SMC2: variants seen among roughly 807,000 people sequenced by gnomAD.
The protein encoded by SMC2 is structural maintenance of chromosomes protein 2.
Under a neutral mutation model 142.6 loss-of-function variants are expected in SMC2, and 41 were observed. That is an observed-to-expected ratio of 0.29 (90% CI 0.22 to 0.37). The LOEUF (loss-of-function observed/expected upper bound fraction) is 0.37, where lower values mean the gene tolerates loss of function less well. SMC2 is among the 10% of genes least tolerant of loss of function. The probability of loss-of-function intolerance (pLI) is 1.00; values close to 1 mark genes in which losing one functional copy is unlikely to be tolerated. For missense variants in SMC2, 1,265 were observed against 1,373.7 expected (o/e 0.92, Z 1.25); for synonymous variants, 463 against 457.5 (o/e 1.01, Z -0.15).
chr9:104,140,208 T>A lies in SMC2; in HGVS notation c.*893T>A, dbSNP rs889388262. The A allele has an allele frequency of 6.6e-6, 1 of 152,112 alleles. No individual in the cohort carries two copies. The highest frequency in any genetic ancestry group is 2.4e-5 in the African/African-American group (1 of 41,444). 9.4% of individuals were successfully genotyped at this position (152,112 alleles called of 1,614,324 possible). On this transcript the variant is annotated 3_prime_UTR_variant, in exon 25 of 25. Transcript: ENST00000374793. ...AATTTATTTTTCCCTGAGTCTGATA[T>A]ATATATGTATAAATATAAATAACTC...
Position 104,111,748 on chromosome 9 carries a change from A to C in SMC2, c.1188A>C (p.Ala396=). ...CCAGTAATGAAGATGGAGCAGAAGC[A>C]ACTCTTGCTGGTCAAATGATGGCCT... The part of the protein sequence containing the change: ...GLSSNEDGAE[A]TLAGQMMACK... The change falls in exon 10 of 25, where the codon GCA becomes GCC. Residue 396 remains alanine (A), a synonymous_variant. Transcript: ENST00000374793. 6.2e-7 allele frequency: 1 copy of C among 1,614,116 alleles called. No homozygotes were observed. Among genetic ancestry groups the C allele is most frequent in the South Asian group, 1.1e-5 (1 of 91,090 alleles).
intron 9 of SMC2, among the ~76,000 whole-genome samples, chr9:104,106,450 G>A (rs1444735070): frequency 2.6e-5 from 4 of 151,896 alleles, no homozygotes; most frequent in Non-Finnish European, 5.9e-5. Flanking sequence ...GTGCAGTGGC[G>A]CAATTTCGGC....
intron 21 of SMC2, among the ~76,000 whole-genome samples, chr9:104,131,021 G>T (rs1834904450): frequency 6.6e-6 from 1 of 152,118 alleles, no homozygotes; most frequent in Non-Finnish European, 1.5e-5. Context: ...TGGCTGTAAA[G>T]AAGAGGGACA....
Position 104,096,313 on chromosome 9 carries a change from A to T in SMC2, c.318+16A>T. 1 of 1,612,094 alleles carries T rather than the reference A, an allele frequency of 6.2e-7. No individual in the cohort carries two copies. On this transcript the variant is annotated intron_variant, in intron 3 of 24. Transcript: ENST00000374793. ...AACAAGGCAGGTGAGTGGCAATTAA[A>T]CCTTTGGGTATCTTAAGACCTTTTA...
rs549338117 is a variant in SMC2, at chr9:104,105,255, A to G, written c.1020+2682A>G. ...TGTACAGCTTTAGGCTGCTGGCCCT[A>G]TGGTGCATCTCATTTCTAGGAGTGA... On this transcript the variant is annotated intron_variant, in intron 9 of 24. Coordinates refer to ENST00000374793, the MANE Select transcript of SMC2 (RefSeq NM_006444.3). 3.3e-5 allele frequency among the ~76,000 whole-genome samples: 5 copies of G among 152,252 alleles called. No homozygotes were observed. In the East Asian group the frequency reaches 9.7e-4, roughly 29 times the overall value.
At chr9:104,097,218 T>C (rs1287200573) in intron 3 of SMC2, among the ~76,000 whole-genome samples, 12 of 144,230 alleles carry the variant, frequency 8.3e-5, no homozygotes, top group African/African-American at 3.0e-4. Context: ...TGCCTCAGCC[T>C]CCTGAGTAGC....
chr9:104,094,219 G>A (rs1161343878), upstream of SMC2: 1 of 395,934 alleles, frequency 2.5e-6, no homozygotes, highest in East Asian at 3.6e-5. Flanking sequence ...GAGTGTAGGG[G>A]AAAAATTGAA....
At chr9:104,103,352 GAGA>G (rs772609349) in intron 9 of SMC2, among the ~76,000 whole-genome samples, 1 of 152,158 alleles carries the variant, frequency 6.6e-6, no homozygotes, top group Non-Finnish European at 1.5e-5. Context: ...ATAACTTTTT[GAGA>G]AGTTTTCTGA....
chr9:104,095,623 T>C, intron 2 of SMC2, 71 bp downstream of exon 2: 1 of 1,204,206 alleles, frequency 8.3e-7, no homozygotes, highest in South Asian at 1.3e-5. Flanking sequence ...TTTGGAGACG[T>C]CCCGATATTC....
chr9:104,103,452 T>C (rs1380953894), intron 9 of SMC2, among the ~76,000 whole-genome samples: 4 of 152,192 alleles, frequency 2.6e-5, no homozygotes, highest in African/African-American at 9.6e-5. Flanking sequence ...AATTCTATAT[T>C]GACAGAAAAG....
Position 104,118,277 on chromosome 9 carries a change from T to C in SMC2, c.1898T>C (p.Met633Thr), listed in dbSNP as rs753123238. The C allele has an allele frequency of 1.2e-6, 2 of 1,613,758 alleles. No individual in the cohort carries two copies. The highest frequency in any genetic ancestry group is 1.7e-6 in the Non-Finnish European group (2 of 1,179,768). The change falls in exon 15 of 25, where the codon ATG becomes ACG. Residue 633 changes from methionine to threonine, a missense_variant. Physicochemically the swap from Met to Thr is moderately conservative, Grantham distance 81 (BLOSUM62 -1). This residue lies in a region of SMC2 where 898 missense variants were observed against 904.2 expected (regional missense o/e 0.99). Coordinates refer to ENST00000374793, the MANE Select transcript of SMC2 (RefSeq NM_006444.3). ...GGAACAACATTTGTTTGTGACAATA[T>C]GGATAATGCCAAAAAAGTGGCCTTT... ...VFGTTFVCDN[M>T]DNAKKVAFDK... is the part of the protein sequence containing the mutation.
At chr9:104,091,274 C>T (rs1412223875), upstream of SMC2, among the ~76,000 whole-genome samples, 1 of 152,174 alleles carries the variant, frequency 6.6e-6, no homozygotes, top group African/African-American at 2.4e-5. Context: ...TTCTAGACTA[C>T]AAACTTTTAT....
At chr9:104,110,245 A>G (rs950917427) in intron 9 of SMC2, among the ~76,000 whole-genome samples, 2 of 152,228 alleles carry the variant, frequency 1.3e-5, no homozygotes, top group African/African-American at 4.8e-5. Flanking sequence ...TACAAAAAAT[A>G]GTTGAGTGCT....
intron 18 of SMC2, among the ~76,000 whole-genome samples, chr9:104,125,460 A>G (rs1050902982): frequency 1.1e-4 from 16 of 152,292 alleles, no homozygotes; most frequent in Non-Finnish European, 2.1e-4. Flanking sequence ...CACTTTGGAT[A>G]AGGGATATTT....
intron 17 of SMC2, 90 bp downstream of exon 17, chr9:104,123,322 A>G (rs1241519116): frequency 7.6e-7 from 1 of 1,309,098 alleles, no homozygotes; most frequent in African/African-American, 1.5e-5. Flanking sequence ...GCTATGTTTA[A>G]GATATATATG....
intron 10 of SMC2, among the ~76,000 whole-genome samples, chr9:104,113,012 C>G (rs928367352): frequency 6.6e-6 from 1 of 151,908 alleles, no homozygotes; most frequent in Admixed American, 6.6e-5. Flanking sequence ...TTTTTAATTA[C>G]CAGCTACTGA....
At chr9:104,122,281 A>G (rs16923693) in intron 16 of SMC2, among the ~76,000 whole-genome samples, 8,622 of 152,242 alleles carry the variant, frequency 0.057, 655 homozygotes, top group African/African-American at 0.18. Flanking sequence ...TTTGAAAAAA[A>G]TGAGAATGGT....
Position 104,096,230 on chromosome 9 carries a change from A to G in SMC2, c.251A>G (p.Asp84Gly). ...AAAGCCTCTGTGTCAATCACTTTTG[A>G]TAATTCTGACAAAAAGCAAAGTCCT... ...ITKASVSITF[D>G]NSDKKQSPLG... The change falls in exon 3 of 25, where the codon GAT becomes GGT. Residue 84 changes from aspartate (D) to glycine (G), a missense_variant. Transcript: ENST00000374793. 6.2e-7 allele frequency: 1 copy of G among 1,614,096 alleles called. No homozygotes were observed.
At chr9:104,121,809 G>A (rs1427321423) in intron 16 of SMC2, among the ~76,000 whole-genome samples, 2 of 151,974 alleles carry the variant, frequency 1.3e-5, no homozygotes, top group East Asian at 3.9e-4. Context: ...TTTTGAGACG[G>A]AGTCTCACTC....
Sources: allele counts gnomAD v4.1 joint callset (sites outside exome capture counted in the v4.1 genomes callset), GRCh38; gene constraint gnomAD v4.1.1; regional missense constraint gnomAD v4.1.1; transcripts MANE v1.5; gene names NCBI Gene and HGNC (gene_info 2026-07-23, HGNC 2026-07-21).